Variants in ATXN1 observed in about 807,000 individuals in gnomAD.
ATXN1 encodes the protein ataxin-1.
ATXN1 carries 8 observed loss-of-function variants against 56.4 expected under a neutral mutation model. The ratio of observed to expected loss-of-function variants is 0.14; its 90% confidence interval spans 0.08 to 0.26. The LOEUF (loss-of-function observed/expected upper bound fraction) is 0.26. ATXN1 is among the 10% of genes least tolerant of loss of function. The pLI, the probability that ATXN1 is intolerant of heterozygous loss-of-function variation, is 1.00. For synonymous variants in ATXN1, 514 were observed against 494.6 expected (o/e 1.04, Z -0.52); for missense variants, 987 against 1,106.5 (o/e 0.89, Z 1.53).
chr6:16,374,100 T>C (rs1409539257), intron 6 of ATXN1, among the ~76,000 whole-genome samples: 4 of 140,362 alleles, frequency 2.8e-5, no homozygotes, highest in Non-Finnish European at 6.0e-5. Context: ...GCATCTGCTA[T>C]ATACCTCGAA....
intron 3 of ATXN1, among the ~76,000 whole-genome samples, chr6:16,634,575 T>G (rs1454374914): frequency 6.6e-6 from 1 of 152,216 alleles, no homozygotes; most frequent in African/African-American, 2.4e-5. Context: ...GCAGTCACTC[T>G]GCATTCCTCT....
chr6:16,481,165 T>C (rs1174072776), intron 6 of ATXN1, among the ~76,000 whole-genome samples: 1 of 152,318 alleles, frequency 6.6e-6, no homozygotes, highest in East Asian at 1.9e-4. Flanking sequence ...AATCTGTAGG[T>C]CAATCTGCAG....
At chr6:16,733,986 G>A (rs554527474) in intron 2 of ATXN1, among the ~76,000 whole-genome samples, 1 of 152,130 alleles carries the variant, frequency 6.6e-6, no homozygotes, top group African/African-American at 2.4e-5. Context: ...CAGCCACTCC[G>A]GAGGCTGACG....
Position 16,326,391 on chromosome 6 carries a change from T to C in ATXN1, c.1917+3A>G, listed in dbSNP as rs1295642846. 26 of 1,612,582 alleles carry C rather than the reference T, an allele frequency of 1.6e-5. No homozygotes were observed. Among genetic ancestry groups the C allele is most frequent in the African/African-American group, 2.7e-5 (2 of 74,898 alleles). Reference sequence around the variant, plus strand: ...ATCCCTGTGCCACCCTGGCTAACGTTACCTGGGCTCGGTGCTCCCCGACGG... The same window carrying C: ...ATCCCTGTGCCACCCTGGCTAACGTCACCTGGGCTCGGTGCTCCCCGACGG... On this transcript the variant is annotated splice_donor_region_variant and intron_variant, in intron 7 of 7. Transcript: ENST00000436367. The surrounding 1 kb of genome is among the most constrained non-coding windows in gnomAD (Gnocchi z 6.6).
intron 6 of ATXN1, among the ~76,000 whole-genome samples, chr6:16,362,924 G>A (rs1228383573): frequency 6.6e-6 from 1 of 152,132 alleles, no homozygotes; most frequent in Non-Finnish European, 1.5e-5. Flanking sequence ...GCATGGAGCC[G>A]CTCATTTAAG....
At chr6:16,654,058 T>A (rs558524886) in intron 3 of ATXN1, among the ~76,000 whole-genome samples, 1 of 152,310 alleles carries the variant, frequency 6.6e-6, no homozygotes, top group South Asian at 2.1e-4. Flanking sequence ...TTAATAAACA[T>A]ATCCAAGAGA....
At chr6:16,421,871 A>T (rs1452911610) in intron 6 of ATXN1, among the ~76,000 whole-genome samples, 1 of 152,220 alleles carries the variant, frequency 6.6e-6, no homozygotes, top group African/African-American at 2.4e-5. Flanking sequence ...CTGCAGGGGC[A>T]ATATGGAAAA....
intron 3 of ATXN1, among the ~76,000 whole-genome samples, chr6:16,646,465 C>T (rs1763799824): frequency 1.3e-5 from 2 of 152,226 alleles, no homozygotes; most frequent in East Asian, 3.8e-4. Flanking sequence ...TATGGCACCA[C>T]TCAGTGAATA....
chr6:16,542,103 A>G (rs1761726248), intron 4 of ATXN1, among the ~76,000 whole-genome samples: 1 of 151,962 alleles, frequency 6.6e-6, no homozygotes, highest in African/African-American at 2.4e-5. Context: ...TTAAGGCGCT[A>G]TAAGGCAAGA....
chr6:16,735,204 G>A (rs1269619941), intron 2 of ATXN1, among the ~76,000 whole-genome samples: 6 of 152,120 alleles, frequency 3.9e-5, no homozygotes, highest in African/African-American at 1.2e-4. Flanking sequence ...TCTGTAAGGT[G>A]GAGATAATAA....
intron 3 of ATXN1, among the ~76,000 whole-genome samples, chr6:16,609,186 A>C (rs1282321657): frequency 6.6e-6 from 1 of 152,226 alleles, no homozygotes; most frequent in Non-Finnish European, 1.5e-5. Flanking sequence ...CTGGTTAGAA[A>C]TCTTCCTAAA....
chr6:16,386,687 T>C (rs1482734840), intron 6 of ATXN1, among the ~76,000 whole-genome samples: 1 of 152,020 alleles, frequency 6.6e-6, no homozygotes, highest in Non-Finnish European at 1.5e-5. Flanking sequence ...GTAAAGAGTA[T>C]AATGGTAACA....
At chr6:16,574,822 CT>C (rs60679834) in intron 4 of ATXN1, among the ~76,000 whole-genome samples, 7,589 of 136,432 alleles carry the variant, frequency 0.056, 260 homozygotes, top group East Asian at 0.11. Context: ...ACCAAACAGG[CT>C]TTTTTTTTTT....
chr6:16,317,337 T>C (rs866637182), intron 7 of ATXN1, among the ~76,000 whole-genome samples: 5 of 152,020 alleles, frequency 3.3e-5, no homozygotes, highest in African/African-American at 7.3e-5. Flanking sequence ...TTCTTTCTTT[T>C]TTTTTGAGAC....
At chr6:16,334,840 G>C (rs748096011) in intron 6 of ATXN1, among the ~76,000 whole-genome samples, 3 of 152,212 alleles carry the variant, frequency 2.0e-5, no homozygotes, top group African/African-American at 7.2e-5. Context: ...GGCATGTCTA[G>C]GGGGAGTGAT....
intron 2 of ATXN1, among the ~76,000 whole-genome samples, chr6:16,722,271 C>T (rs1225690473): frequency 2.6e-5 from 4 of 152,178 alleles, no homozygotes; most frequent in African/African-American, 9.7e-5. Context: ...CATGACCTCC[C>T]AATGCCAAGA....
intron 6 of ATXN1, among the ~76,000 whole-genome samples, chr6:16,426,133 G>GA (rs1364235725): frequency 1.3e-5 from 2 of 152,068 alleles, no homozygotes; most frequent in South Asian, 2.1e-4. Context: ...TCAGTTGGGG[G>GA]AAAAAAATCT....
intron 4 of ATXN1, among the ~76,000 whole-genome samples, chr6:16,525,790 T>C (rs535502498): frequency 6.6e-6 from 1 of 151,604 alleles, no homozygotes; most frequent in South Asian, 2.1e-4. Flanking sequence ...TACACACCTA[T>C]GTACCCACAA....
rs1581852976 is a variant in ATXN1 at position 16,572,273 on chromosome 6, C to T, written c.-361+13507G>A. On this transcript the variant is annotated intron_variant, in intron 4 of 7. Transcript: ENST00000436367. ...TAAAATGTTTACTTGGCCTAATGAC[C>T]GACTGATACCAAAAAAGGTATAAGG... Among the ~76,000 whole-genome samples the T allele has an allele frequency of 2.0e-5, 3 of 151,970 alleles. No individual in the cohort carries two copies. In the East Asian group the frequency reaches 5.8e-4, roughly 29 times the overall value.
Sources: gnomAD v4.1 joint callset for allele counts (sites outside exome capture counted in the v4.1 genomes callset) on GRCh38, gnomAD v4.1.1 for gene constraint, Gnocchi (gnomAD v3.1) non-coding constraint, MANE v1.5 for transcripts, NCBI Gene and HGNC (gene_info 2026-07-23, HGNC 2026-07-21) for gene names.